DOP1A: variants seen among roughly 807,000 people sequenced by gnomAD.
The protein encoded by DOP1A is DOP1 leucine zipper like protein A, also known as protein DOP1A.
DOP1A carries 90 observed loss-of-function variants against 267.6 expected under a neutral mutation model. That is an observed-to-expected ratio of 0.34 (90% CI 0.28 to 0.40). DOP1A has a LOEUF of 0.40. DOP1A is among the 10% of genes least tolerant of loss of function. The pLI is 1.00. For missense variants in DOP1A, 2,437 were observed against 2,900.4 expected, an observed-to-expected ratio of 0.84 and a Z score of 3.67; for synonymous variants, 932 against 999.1, an observed-to-expected ratio of 0.93 and a Z score of 1.27.
chr6:83,109,895 A>G (rs1274249042), intron 5 of DOP1A, among the ~76,000 whole-genome samples: 2 of 152,192 alleles, frequency 1.3e-5, no homozygotes, highest in African/African-American at 4.8e-5. Context: ...TGAACTTAAC[A>G]ATGAAGTGAC....
intron 29 of DOP1A, 59 bp downstream of exon 29, chr6:83,152,086 A>C: frequency 1.3e-6 from 2 of 1,598,126 alleles, no homozygotes; most frequent in Non-Finnish European, 1.7e-6. Context: ...TTACTAAGAA[A>C]TCATTTTGCC....
At chr6:83,167,187 T>G (rs1583227379) in intron 38 of DOP1A, 2 of 887,546 alleles carry the variant, frequency 2.3e-6, no homozygotes, top group South Asian at 1.0e-4. Context: ...TGAGGAACCT[T>G]TGTATATCCT....
At chr6:83,115,228 A>G (rs577216446) in intron 7 of DOP1A, among the ~76,000 whole-genome samples, 23 of 152,330 alleles carry the variant, frequency 1.5e-4, no homozygotes, top group African/African-American at 3.8e-4. Context: ...GGTGATATCA[A>G]TTGTAATCAA....
chr6:83,073,426 A>G (rs1785949209), intron 1 of DOP1A, among the ~76,000 whole-genome samples: 1 of 152,044 alleles, frequency 6.6e-6, no homozygotes, highest in African/African-American at 2.4e-5. Flanking sequence ...GGTTCCAGAA[A>G]CAAAATATGG....
At chr6:83,131,895 C>G (rs1364636969) in intron 17 of DOP1A, among the ~76,000 whole-genome samples, 4 of 152,154 alleles carry the variant, frequency 2.6e-5, no homozygotes, top group Admixed American at 2.6e-4. Flanking sequence ...CCTCGGCCTC[C>G]CAAGATGCTG....
intron 4 of DOP1A, 60 bp from the exon 5 acceptor site, chr6:83,108,850 A>G (rs1774089094): frequency 3.5e-6 from 5 of 1,444,760 alleles, no homozygotes; most frequent in Admixed American, 4.2e-5. Flanking sequence ...ATAATTGCAT[A>G]TGAATTAATA....
chr6:83,095,579 C>G (rs944136410), intron 1 of DOP1A, among the ~76,000 whole-genome samples: 1 of 152,092 alleles, frequency 6.6e-6, no homozygotes, highest in African/African-American at 2.4e-5. Context: ...TAAAGGGGAG[C>G]CACATTGGTT....
chr6:83,119,745 G>C lies in DOP1A; in HGVS notation c.881-3G>C, dbSNP rs753467983. The C allele has an allele frequency of 6.2e-7, 1 of 1,606,936 alleles. No homozygotes were observed. The highest frequency in any genetic ancestry group is 8.5e-7 in the Non-Finnish European group (1 of 1,176,602). On this transcript the variant is annotated splice_polypyrimidine_tract_variant and splice_region_variant and intron_variant, in intron 8 of 38. Coordinates refer to ENST00000349129, the MANE Select transcript of DOP1A (RefSeq NM_015018.4). The stretch of plus-strand genomic sequence containing the variant: ...AGTAATTTTGTGATTTGTTTCCATG[G>C]AGGTTTTGATAACAACGGTGCTATC...
chr6:83,145,795 T>C, intron 25 of DOP1A, 137 bp downstream of exon 25: 4 of 733,890 alleles, frequency 5.5e-6, no homozygotes, highest in Non-Finnish European at 8.5e-6. Flanking sequence ...CTCACACTGC[T>C]TCAATCAAAA....
At chr6:83,153,218 T>G (rs1186315663) in intron 30 of DOP1A, among the ~76,000 whole-genome samples, 2 of 152,210 alleles carry the variant, frequency 1.3e-5, no homozygotes, top group Non-Finnish European at 2.9e-5. Flanking sequence ...TTTCTAGTAC[T>G]AAATTCACTG....
chr6:83,146,333 C>T (rs904045877), intron 25 of DOP1A, among the ~76,000 whole-genome samples: 2 of 152,220 alleles, frequency 1.3e-5, no homozygotes, highest in African/African-American at 4.8e-5. Context: ...GACCTAATCA[C>T]ATCCTTTAAA....
At chr6:83,164,832 CTT>C (rs1289516596) in intron 38 of DOP1A, 2 of 813,528 alleles carry the variant, frequency 2.5e-6, no homozygotes, top group Non-Finnish European at 3.9e-6. Flanking sequence ...GGAAGGAAGT[CTT>C]TTTTCAAGTG....
chr6:83,154,015 T>C lies in DOP1A; in HGVS notation c.6361T>C (p.Phe2121Leu). ...TGACCTCTTTATGGATCCCAGTTTC[T>C]TTCAGATGGATGCCTCTTGTGTTAA... ...AFDLFMDPSF[F>L]QMDASCVNHW... Residue 2121 changes from phenylalanine to leucine, a missense_variant, in exon 32 of 39, where the codon TTT becomes CTT. Around this residue, in one of 9 missense-constraint regions of DOP1A, gnomAD observed 216 missense variants for 283.3 expected, o/e 0.76. Coordinates refer to ENST00000349129, the MANE Select transcript of DOP1A (RefSeq NM_015018.4). 6.2e-7 allele frequency: 1 copy of C among 1,614,146 alleles called. No homozygotes were observed. The highest frequency in any genetic ancestry group is 8.5e-7 in the Non-Finnish European group (1 of 1,180,002).
At chr6:83,109,758 T>C (rs916115823) in intron 5 of DOP1A, among the ~76,000 whole-genome samples, 1 of 152,214 alleles carries the variant, frequency 6.6e-6, no homozygotes, top group African/African-American at 2.4e-5. Flanking sequence ...CTAATATTCT[T>C]ATTAAAAAAC....
intron 29 of DOP1A, 40 bp downstream of exon 29, chr6:83,152,067 G>A: frequency 1.2e-6 from 2 of 1,607,296 alleles, no homozygotes; most frequent in South Asian, 2.2e-5. Flanking sequence ...TCTGTAAGCA[G>A]GCATATATTT....
rs928837113 is a variant in DOP1A at position 83,067,727 on chromosome 6, G to C, written c.-199G>C. ...TTCGGCTCCCGGTCTCGGTGTAGCT[G>C]CCGTGGTTGCCAGGAGAGCTGCGCC... On this transcript the variant is annotated 5_prime_UTR_variant, in exon 1 of 39. Transcript: ENST00000349129. 2.6e-5 allele frequency: 4 copies of C among 152,090 alleles called. No homozygotes were observed. The highest frequency in any genetic ancestry group is 2.0e-4 in the Admixed American group (3 of 15,262). 9.4% of individuals were successfully genotyped at this position (152,090 alleles called of 1,614,324 possible).
chr6:83,169,658 C>G (rs752897779), downstream of DOP1A: 22 of 468,698 alleles, frequency 4.7e-5, no homozygotes, highest in East Asian at 2.6e-4. Context: ...GTTGCCATCT[C>G]CTCATCCATC....
chr6:83,167,943 A>G lies in DOP1A; in HGVS notation c.7174A>G (p.Ser2392Gly), dbSNP rs781099969. 8 of 1,614,190 alleles carry G rather than the reference A, an allele frequency of 5.0e-6. No individual in the cohort carries two copies. Among genetic ancestry groups the G allele is most frequent in the Non-Finnish European group, 6.8e-6 (8 of 1,180,028 alleles). Residue 2392 changes from serine to glycine, a missense_variant, in exon 39 of 39, where the codon AGT becomes GGT. Coordinates refer to ENST00000349129, the MANE Select transcript of DOP1A (RefSeq NM_015018.4). ...HLLLTICTVR[S>G]MEQLLPFFNV... ...GCTGCTCACCATCTGCACCGTGCGC[A>G]GTATGGAGCAGCTCCTGCCGTTCTT...
chr6:83,170,268 T>C (rs751085041), downstream of DOP1A: 7 of 1,597,146 alleles, frequency 4.4e-6, no homozygotes, highest in African/African-American at 6.7e-5. Context: ...CATCACCTAA[T>C]ATTAGGCTCT....
Sources: gnomAD v4.1 joint callset for allele counts (sites outside exome capture counted in the v4.1 genomes callset) on GRCh38, gnomAD v4.1.1 for gene constraint, gnomAD v4.1.1 regional missense constraint, MANE v1.5 for transcripts, NCBI Gene and HGNC (gene_info 2026-07-23, HGNC 2026-07-21) for gene names.